SCOC: variants seen among roughly 807,000 people sequenced by gnomAD.
SCOC encodes short coiled coil protein.
Under a neutral mutation model 9.9 loss-of-function variants are expected in SCOC, and 7 were observed. The ratio of observed to expected loss-of-function variants is 0.71; its 90% CI spans 0.40 to 1.33. The LOEUF (loss-of-function observed/expected upper bound fraction) is 1.33. Among genes scored for constraint, SCOC ranks in the 40% most tolerant of loss-of-function variants. The probability of loss-of-function intolerance (pLI) is 0.01; values close to 1 mark genes in which losing one functional copy is unlikely to be tolerated. For missense variants in SCOC, 66 were observed against 89.7 expected (o/e 0.74, Z 1.07); for synonymous variants, 19 against 28.2 (o/e 0.67, Z 1.03).
Position 140,297,269 on chromosome 4 carries a change from T to TGG in SCOC, c.-19+39869_-19+39870dup, listed in dbSNP as rs11287239. ...GGAGAGGAGAGCATTCTGGTGACTG[T>TGG]GGGGGGGGGGGCACTGTTGTCAGTA... is the stretch of plus-strand genomic sequence containing the variant. On this transcript the variant is annotated intron_variant, in intron 1 of 4. Coordinates refer to the SCOC transcript ENST00000394205. Among the ~76,000 whole-genome samples the TGG allele has an allele frequency of 1.7e-3, 247 of 148,170 alleles. 2 individuals carry two copies. The highest frequency in any genetic ancestry group is 5.7e-3 in the African/African-American group (230 of 40,330).
chr4:140,274,654 T>G (rs950012404), intron 1 of SCOC, among the ~76,000 whole-genome samples: 9 of 152,232 alleles, frequency 5.9e-5, no homozygotes, highest in Admixed American at 1.3e-4. Flanking sequence ...ATGATAAAAC[T>G]TCCTTGGCTT....
intron 1 of SCOC, among the ~76,000 whole-genome samples, chr4:140,259,429 C>T (rs140173766): frequency 6.6e-5 from 10 of 152,328 alleles, no homozygotes; most frequent in Admixed American, 2.0e-4. Context: ...CTTCAAAAAT[C>T]GCCCTACAGT....
At chr4:140,313,121 T>A (rs1732202079) in intron 1 of SCOC, among the ~76,000 whole-genome samples, 1 of 152,226 alleles carries the variant, frequency 6.6e-6, no homozygotes, top group Admixed American at 6.5e-5. Context: ...TCCTCCACCT[T>A]TTCATGCCAG....
intron 1 of SCOC, among the ~76,000 whole-genome samples, chr4:140,338,427 T>C (rs926253374): frequency 1.3e-5 from 2 of 152,162 alleles, no homozygotes; most frequent in Non-Finnish European, 2.9e-5. Context: ...CTATTCAACA[T>C]AGTGTTGTAA....
chr4:140,272,412 C>T (rs983951797), intron 1 of SCOC, among the ~76,000 whole-genome samples: 3 of 152,142 alleles, frequency 2.0e-5, no homozygotes, highest in Non-Finnish European at 2.9e-5. Flanking sequence ...CTTAATAATG[C>T]ACATTACTGG....
chr4:140,269,725 C>T (rs1386962955), intron 1 of SCOC, among the ~76,000 whole-genome samples: 1 of 152,168 alleles, frequency 6.6e-6, no homozygotes, highest in Non-Finnish European at 1.5e-5. Flanking sequence ...CCTAACTAGA[C>T]AAGTTCCTAG....
intron 3 of SCOC, among the ~76,000 whole-genome samples, chr4:140,380,178 C>CTTTCTTTTTCTT (rs1350113565): frequency 7.0e-6 from 1 of 142,274 alleles, no homozygotes; most frequent in Non-Finnish European, 1.5e-5. Context: ...TCCCTATTAG[C>CTTTCTTTTTCTT]TTTCTTTTTC....
At chr4:140,354,276 T>G (rs1727110515) in intron 2 of SCOC, among the ~76,000 whole-genome samples, 1 of 152,222 alleles carries the variant, frequency 6.6e-6, no homozygotes, top group African/African-American at 2.4e-5. Flanking sequence ...TGTCACAGTG[T>G]TTCTCATCTG....
intron 1 of SCOC, among the ~76,000 whole-genome samples, chr4:140,377,478 G>T (rs569980742): frequency 2.6e-5 from 4 of 152,070 alleles, no homozygotes; most frequent in African/African-American, 9.7e-5. Context: ...ACTTGGAGTA[G>T]GTTTATTCAG....
At chr4:140,348,983 T>C (rs1006549540) in intron 2 of SCOC, among the ~76,000 whole-genome samples, 1 of 152,224 alleles carries the variant, frequency 6.6e-6, no homozygotes, top group Non-Finnish European at 1.5e-5. Flanking sequence ...CATTTTCATA[T>C]ACCCATTGGC....
At chr4:140,302,604 C>A (rs2126454382) in intron 1 of SCOC, among the ~76,000 whole-genome samples, 1 of 152,304 alleles carries the variant, frequency 6.6e-6, no homozygotes, top group South Asian at 2.1e-4. Context: ...GATACTATTT[C>A]TAGTCCTGAA....
intron 2 of SCOC, chr4:140,362,925 T>C (rs1282213451): frequency 6.6e-6 from 1 of 152,166 alleles, no homozygotes; most frequent in African/African-American, 2.4e-5. Context: ...TGAGTGTCAT[T>C]GCATATTCTT....
rs375773512 is a variant in SCOC at position 140,355,772 on chromosome 4, G to A, written c.70+12064G>A. On this transcript the variant is annotated intron_variant, in intron 2 of 4. Transcript: ENST00000338517. ...GAATATAAAATTGTATCTATGTTGCGATTACAACCATGCAAAAGTAATTTA... is the reference window on the plus strand; with the variant it reads ...GAATATAAAATTGTATCTATGTTGCAATTACAACCATGCAAAAGTAATTTA... Among the ~76,000 whole-genome samples, 27 of 152,262 alleles carry A rather than the reference G, an allele frequency of 1.8e-4. 1 individual carries two copies. In the South Asian group the frequency reaches 5.2e-3, roughly 29 times the overall value.
At chr4:140,370,215 G>T (rs1368322126), upstream of SCOC, among the ~76,000 whole-genome samples, 2 of 152,120 alleles carry the variant, frequency 1.3e-5, no homozygotes, top group Non-Finnish European at 2.9e-5. Context: ...TTTGTGGGTA[G>T]AGACAATAAT....
In SCOC at chr4:140,285,475, A is replaced by G. The variant is rs535618507; in HGVS notation, c.-19+28065A>G. ...AGGGGCCAGTATCTCAAAGACAAAG[A>G]CCAATGACAGAGCTGGCAGGACAGG... is the stretch of plus-strand genomic sequence containing the variant. On this transcript the variant is annotated intron_variant, in intron 1 of 4. Coordinates refer to the SCOC transcript ENST00000394205. Among the ~76,000 whole-genome samples, 7 of 152,368 alleles carry G rather than the reference A, an allele frequency of 4.6e-5. No individual in the cohort carries two copies. In the East Asian group the frequency reaches 1.4e-3, roughly 29 times the overall value.
At chr4:140,274,785 C>A (rs1377119569) in intron 1 of SCOC, among the ~76,000 whole-genome samples, 2 of 152,202 alleles carry the variant, frequency 1.3e-5, no homozygotes, top group Non-Finnish European at 2.9e-5. Flanking sequence ...AGCCTTCAAC[C>A]ACTCCTCGGT....
At position 140,312,284 on chromosome 4, in the gene SCOC, TAA is replaced by T. The variant is rs1732179264; in HGVS notation, c.-18-31336_-18-31335del. Among the ~76,000 whole-genome samples, 3 of 152,282 alleles carry T rather than the reference TAA, an allele frequency of 2.0e-5. 1 individual carries two copies. In the South Asian group the frequency reaches 6.2e-4, roughly 32 times the overall value. On this transcript the variant is annotated intron_variant, in intron 1 of 4. Transcript: ENST00000394205. ...TGCTTTCCAACAAGTAGATGATTGA[TAA>T]GACTTTCTCGTTCACTGATCAAGCT... is the stretch of plus-strand genomic sequence containing the variant.
rs1305620519 is a variant in SCOC at position 140,362,277 on chromosome 4, A to ACTTCTTCTTCTTCTTCTTCTT, written c.71-16840_71-16820dup. ...ACCGGCTAAAGACAGGTGTGTCCTT[A>ACTTCTTCTTCTTCTTCTTCTT]CTTCTTCTTCTTCTTCTTCTTCTTT... On this transcript the variant is annotated intron_variant, in intron 2 of 4. Coordinates refer to the SCOC transcript ENST00000338517. Among the ~76,000 whole-genome samples the ACTTCTTCTTCTTCTTCTTCTT allele has an allele frequency of 1.9e-3, 22 of 11,678 alleles. 2 individuals are homozygous for ACTTCTTCTTCTTCTTCTTCTT. Among genetic ancestry groups the ACTTCTTCTTCTTCTTCTTCTT allele is most frequent in the African/African-American group, 4.5e-3 (20 of 4,484 alleles). The allele number at this position is 11,678 out of a possible 152,430, so 7.7% of individuals were successfully genotyped here.
chr4:140,358,937 A>G (rs1199544482), intron 2 of SCOC, among the ~76,000 whole-genome samples: 1 of 152,242 alleles, frequency 6.6e-6, no homozygotes, highest in Non-Finnish European at 1.5e-5. Context: ...TTGATTTATG[A>G]AAGTTGAACA....
Sources: gnomAD v4.1 joint callset for allele counts (sites outside exome capture counted in the v4.1 genomes callset) on GRCh38, gnomAD v4.1.1 for gene constraint, MANE v1.5 for transcripts, NCBI Gene and HGNC (gene_info 2026-07-23, HGNC 2026-07-21) for gene names.